CLCN7: variants seen among roughly 807,000 people sequenced by gnomAD.
CLCN7 encodes H(+)/Cl(-) exchange transporter 7.
CLCN7 carries 60 observed loss-of-function variants against 102.1 expected under a neutral mutation model. The observed-to-expected ratio is 0.59, with a 90% CI of 0.48 to 0.73. The LOEUF (loss-of-function observed/expected upper bound fraction) is 0.73. Ranked by LOEUF, CLCN7 falls within the 30% of genes least tolerant of loss-of-function variation. The probability of loss-of-function intolerance (pLI) is 0.00; values close to 1 mark genes in which losing one functional copy is unlikely to be tolerated. For synonymous variants in CLCN7, 560 were observed against 490.5 expected (o/e 1.14, Z -1.87); for missense variants, 962 against 1,125.7 (o/e 0.85, Z 2.08).
chr16:1,460,055 G>A lies in CLCN7; in HGVS notation c.594+363C>T, dbSNP rs554618224. On this transcript the variant is annotated intron_variant, in intron 6 of 24. Transcript: ENST00000382745. ...GGGCCCCAGGGAAGGGTCTCATGTC[G>A]TTGGGGTAGCTGCTCTCACTCTTCC... Among the ~76,000 whole-genome samples, 45 of 152,154 alleles carry A rather than the reference G, an allele frequency of 3.0e-4. 1 individual carries two copies. The highest frequency in any genetic ancestry group is 2.2e-3 in the Admixed American group (34 of 15,288).
intron 4 of CLCN7, among the ~76,000 whole-genome samples, 180 bp downstream of exon 4, chr16:1,461,225 T>C (rs2038930904): frequency 6.6e-6 from 1 of 152,240 alleles, no homozygotes; most frequent in South Asian, 2.1e-4. Flanking sequence ...GCCTTCTTGG[T>C]TACGGTGACC....
intron 1 of CLCN7, chr16:1,467,627 A>G (rs2039023107): frequency 6.6e-6 from 1 of 152,460 alleles, no homozygotes; most frequent in South Asian, 2.1e-4. Context: ...ACGGAACCCA[A>G]AAGACCCATT....
intron 2 of CLCN7, 122 bp downstream of exon 2, chr16:1,465,142 ATCT>A: frequency 1.2e-6 from 1 of 822,342 alleles, no homozygotes; most frequent in Non-Finnish European, 2.1e-6. Context: ...CCCCAAGGAA[ATCT>A]TCCCTGAACC....
In CLCN7 at chr16:1,457,732, C is replaced by T; in HGVS notation, c.700G>A (p.Val234Met). 1 of 1,613,914 alleles carries T rather than the reference C, an allele frequency of 6.2e-7. No homozygotes were observed. Among genetic ancestry groups the T allele is most frequent in the Non-Finnish European group, 8.5e-7 (1 of 1,180,012 alleles). ...LKTLVIKVSG[V>M]ILSVVGGLAV... is the part of the protein sequence containing the mutation. Reference sequence around the variant, plus strand: ...AGGCCCCCGACCACGGACAGGATCACACCGGACACTTTGATCACCAACGTC... The same window carrying T: ...AGGCCCCCGACCACGGACAGGATCATACCGGACACTTTGATCACCAACGTC... Residue 234 changes from valine (V) to methionine (M), a missense_variant, in exon 8 of 25, where the codon GTG becomes ATG. Val to Met is a conservative substitution (Grantham distance 21, BLOSUM62 1). This residue lies in a region of CLCN7 where 799 missense variants were observed against 988.0 expected (regional missense o/e 0.81). Transcript: ENST00000382745. The surrounding 1 kb of genome is among the most constrained non-coding windows in gnomAD (Gnocchi z 5.4).
At position 1,452,728 on chromosome 16, in the gene CLCN7, G is replaced by T. The variant is rs771809697; in HGVS notation, c.1353+27C>A. 5.1e-6 allele frequency: 8 copies of T among 1,569,424 alleles called. No homozygotes were observed. The South Asian group carries it at 9.3e-5, about 18-fold the overall frequency. On this transcript the variant is annotated intron_variant, in intron 15 of 24. Coordinates refer to ENST00000382745, the MANE Select transcript of CLCN7 (RefSeq NM_001287.6). ...CCGCCCTGTGGCTGCCCTGCCTGCT[G>T]GACCCCGCCCGGGCCCAGCCTCCCA...
intron 1 of CLCN7, among the ~76,000 whole-genome samples, chr16:1,474,617 C>G (rs2039125642): frequency 6.6e-6 from 1 of 152,112 alleles, no homozygotes; most frequent in South Asian, 2.1e-4. Context: ...GCAGCCCTCC[C>G]GGCCACCGAG....
rs1296732547 is a variant in CLCN7, at chr16:1,457,943, TC to T, written c.676-188del. 6.6e-6 allele frequency among the ~76,000 whole-genome samples: 1 copy of T among 151,962 alleles called. No individual in the cohort carries two copies. Among genetic ancestry groups the T allele is most frequent in the African/African-American group, 2.4e-5 (1 of 41,372 alleles). On this transcript the variant is annotated intron_variant, in intron 7 of 24. Coordinates refer to ENST00000382745, the MANE Select transcript of CLCN7 (RefSeq NM_001287.6). This position sits in a 1 kb window ranked among gnomAD's most constrained non-coding sequence, Gnocchi z 5.4. ...AGTGGAGCTAAACAGCAGCCAAGCG[TC>T]CCCCGCACTCACTCGGGGGACCTGC...
In CLCN7 at chr16:1,446,490, C is replaced by T. The variant is rs527452340; in HGVS notation, c.*141G>A. ...GCGAGAGGGTCAGTTCCGCGCCTGCCGCCTGCCCGCCCAGCTGCAGGGTGC... is the reference window on the plus strand; with the variant it reads ...GCGAGAGGGTCAGTTCCGCGCCTGCTGCCTGCCCGCCCAGCTGCAGGGTGC... On this transcript the variant is annotated 3_prime_UTR_variant, in exon 25 of 25. Coordinates refer to ENST00000382745, the MANE Select transcript of CLCN7 (RefSeq NM_001287.6). The T allele has an allele frequency of 3.1e-4, 245 of 796,242 alleles. 1 individual carries two copies. The highest frequency in any genetic ancestry group is 2.5e-3 in the African/African-American group (148 of 59,084). 49.3% of individuals were successfully genotyped at this position (796,242 alleles called of 1,614,324 possible). A position where few individuals can be genotyped will look rare whatever the true frequency, so the allele number is the denominator to read the frequency against.
intron 1 of CLCN7, among the ~76,000 whole-genome samples, chr16:1,470,164 A>C (rs533834819): frequency 7.2e-5 from 11 of 152,220 alleles, no homozygotes; most frequent in Non-Finnish European, 1.5e-4. Context: ...AACGGTCATT[A>C]AACAAAATGT....
chr16:1,454,415 C>T lies in CLCN7; in HGVS notation c.1149G>A (p.Val383=). The change falls in exon 13 of 25, where the codon GTG becomes GTA. Residue 383 remains valine, a synonymous_variant. Coordinates refer to ENST00000382745, the MANE Select transcript of CLCN7 (RefSeq NM_001287.6). ...GGTGCTGGGAGAAGCCCTTACCCAC[C>T]ACGCCCATGGCGATGAAGACCGGGA... is the stretch of plus-strand genomic sequence containing the variant. The part of the protein sequence containing the change: ...HEIPVFIAMG[V]VGGVLGAVFN... The T allele has an allele frequency of 6.2e-7, 1 of 1,613,604 alleles. No individual in the cohort carries two copies. The highest frequency in any genetic ancestry group is 8.5e-7 in the Non-Finnish European group (1 of 1,179,970).
rs112554971 is a variant in CLCN7, at chr16:1,469,543, G to A, written c.142-4205C>T. Among the ~76,000 whole-genome samples the A allele has an allele frequency of 7.9e-5, 12 of 151,982 alleles. 1 individual carries two copies. In the South Asian group the frequency reaches 8.3e-4, roughly 11 times the overall value. ...TCTCCTAAAAATACAAAAATTAGCC[G>A]GGCATGGTGGTGGGCGCCTGTAATC... is the stretch of plus-strand genomic sequence containing the variant. On this transcript the variant is annotated intron_variant, in intron 1 of 24. Coordinates refer to ENST00000382745, the MANE Select transcript of CLCN7 (RefSeq NM_001287.6).
At chr16:1,447,223 C>G in intron 23 of CLCN7, 137 bp from the exon 24 acceptor site, 1 of 1,162,090 alleles carries the variant, frequency 8.6e-7, no homozygotes, top group Non-Finnish European at 1.2e-6. Flanking sequence ...GGCCAGCCCC[C>G]TCAGCCCCTT....
rs571863909 is a variant in CLCN7 at position 1,462,742 on chromosome 16, G to T, written c.214-1068C>A. Among the ~76,000 whole-genome samples, 12 of 150,202 alleles carry T rather than the reference G, an allele frequency of 8.0e-5. No individual in the cohort carries two copies. The South Asian group carries it at 2.5e-3, about 32-fold the overall frequency. ...ACAAAAGAATGGAAGAGAATTGAGA[G>T]AGTCCAGAAAGAAATCCAAAACATG... is the stretch of plus-strand genomic sequence containing the variant. On this transcript the variant is annotated intron_variant, in intron 2 of 24. Transcript: ENST00000382745.
intron 13 of CLCN7, 59 bp downstream of exon 13, chr16:1,454,352 C>T: frequency 6.4e-7 from 1 of 1,554,000 alleles, no homozygotes; most frequent in South Asian, 1.1e-5. Context: ...TCTCTATGGC[C>T]ACGTCACAGC....
At chr16:1,464,297 C>T (rs1472165364) in intron 2 of CLCN7, among the ~76,000 whole-genome samples, 2 of 152,234 alleles carry the variant, frequency 1.3e-5, no homozygotes, top group Non-Finnish European at 2.9e-5. Context: ...AGGGTTGAGA[C>T]AGGAGAGGAC....
rs745864670 is a variant in CLCN7, at chr16:1,474,961, G to C, written c.14C>G (p.Ser5Cys). The change falls in exon 1 of 25, where the codon TCT becomes TGT. Residue 5 changes from serine to cysteine, a missense_variant. By Grantham distance (112) the Ser-to-Cys change is moderately radical (BLOSUM62 -1). Transcript: ENST00000382745. ...CCGGCCGGACCAGGACACCTTCTTA[G>C]AGACGTTGGCCATGGCCCGCCGCGG... MANV[S>C]KKVSWSGRDR... The C allele has an allele frequency of 6.7e-7, 1 of 1,489,348 alleles. No individual in the cohort carries two copies. 92.3% of individuals were successfully genotyped at this position (1,489,348 alleles called of 1,614,324 possible). A position where few individuals can be genotyped will look rare whatever the true frequency, so the allele number is the denominator to read the frequency against.
At position 1,447,243 on chromosome 16, in the gene CLCN7, T is replaced by C. The variant is rs2142365290; in HGVS notation, c.2250+149A>G. On this transcript the variant is annotated intron_variant, in intron 23 of 24. Transcript: ENST00000382745. ...GCCCCCTCAGCCCCTTGACTTCAGCTCTAAAGCCTGCCAGGCCCTTCACAG... is the reference window on the plus strand; with the variant it reads ...GCCCCCTCAGCCCCTTGACTTCAGCCCTAAAGCCTGCCAGGCCCTTCACAG... 3.4e-6 allele frequency: 4 copies of C among 1,160,036 alleles called. No individual in the cohort carries two copies. The South Asian group carries it at 4.2e-5, about 12-fold the overall frequency. 71.9% of individuals were successfully genotyped at this position (1,160,036 alleles called of 1,614,324 possible).
intron 4 of CLCN7, 138 bp from the exon 5 acceptor site, chr16:1,461,086 G>A: frequency 1.7e-6 from 2 of 1,204,206 alleles, no homozygotes; most frequent in South Asian, 1.5e-5. Context: ...TCCCACAAAG[G>A]ACAGTTTCTG....
Position 1,448,397 on chromosome 16 carries a change from A to G in CLCN7, c.1971T>C (p.Asn657=). Reference sequence around the variant, plus strand: ...GCTCCACCACGGGGAAGCCGTTGTGATTGGACGCCGTGTCGCTCAGCACGT... The same window carrying G: ...GCTCCACCACGGGGAAGCCGTTGTGGTTGGACGCCGTGTCGCTCAGCACGT... ...IVDVLSDTAS[N]HNGFPVVEHA... The change falls in exon 21 of 25, where the codon AAT becomes AAC. Residue 657 remains asparagine, a synonymous_variant. Transcript: ENST00000382745. 6.2e-7 allele frequency: 1 copy of G among 1,612,690 alleles called. No homozygotes were observed. The highest frequency in any genetic ancestry group is 8.5e-7 in the Non-Finnish European group (1 of 1,179,944).
Sources: allele counts gnomAD v4.1 joint callset (sites outside exome capture counted in the v4.1 genomes callset), GRCh38; gene constraint gnomAD v4.1.1; regional missense constraint gnomAD v4.1.1; non-coding constraint Gnocchi (gnomAD v3.1); transcripts MANE v1.5; gene names NCBI Gene and HGNC (gene_info 2026-07-23, HGNC 2026-07-21).